TRPC4: variants seen among roughly 807,000 people sequenced by gnomAD.
The protein encoded by TRPC4 is transient receptor potential cation channel subfamily C member 4.
Under a neutral mutation model 99.4 loss-of-function variants are expected in TRPC4, and 49 were observed. The ratio of observed to expected loss-of-function variants is 0.49; its 90% CI spans 0.39 to 0.63. The LOEUF is 0.63. Among genes scored for constraint, TRPC4 ranks in the 20% least tolerant of loss-of-function variants. The pLI, the probability that TRPC4 is intolerant of heterozygous loss-of-function variation, is 0.00. For synonymous variants in TRPC4, 454 were observed against 425.9 expected (o/e 1.07, Z -0.81); for missense variants, 898 against 1,152.9 (o/e 0.78, Z 3.20).
chr13:37,648,177 G>T (rs1453915205), intron 8 of TRPC4, among the ~76,000 whole-genome samples: 1 of 152,132 alleles, frequency 6.6e-6, no homozygotes, highest in African/African-American at 2.4e-5. Flanking sequence ...TCTTGACCTT[G>T]TGATCCACCC....
chr13:37,651,815 G>T (rs757154341), intron 7 of TRPC4, among the ~76,000 whole-genome samples: 1 of 152,202 alleles, frequency 6.6e-6, no homozygotes, highest in African/African-American at 2.4e-5. Flanking sequence ...GCCAGAAATA[G>T]ACTTTCTGTC....
At chr13:37,638,522 T>G (rs1951606178) in intron 10 of TRPC4, among the ~76,000 whole-genome samples, 1 of 152,180 alleles carries the variant, frequency 6.6e-6, no homozygotes, top group African/African-American at 2.4e-5. Flanking sequence ...AAACAATCAC[T>G]CAATAATTTT....
chr13:37,675,870 A>G (rs1953027395), intron 4 of TRPC4, among the ~76,000 whole-genome samples: 1 of 152,164 alleles, frequency 6.6e-6, no homozygotes, highest in Admixed American at 6.5e-5. Flanking sequence ...GGGAACAATC[A>G]GCAATTGACA....
chr13:37,702,104 G>C (rs1043504471), intron 3 of TRPC4, among the ~76,000 whole-genome samples: 1 of 152,162 alleles, frequency 6.6e-6, no homozygotes, highest in African/African-American at 2.4e-5. Flanking sequence ...TGGCCTGACA[G>C]CTGTGTCATT....
At chr13:37,758,880 G>A (rs1956158258) in intron 2 of TRPC4, among the ~76,000 whole-genome samples, 1 of 151,268 alleles carries the variant, frequency 6.6e-6, no homozygotes, top group African/African-American at 2.4e-5. Flanking sequence ...TTCCGTTAGT[G>A]GAAAAGAAGA....
In TRPC4 at chr13:37,797,453, A is replaced by T. The variant is rs1957287708; in HGVS notation, c.-27-14093T>A. Among the ~76,000 whole-genome samples, 3 of 152,050 alleles carry T rather than the reference A, an allele frequency of 2.0e-5. No homozygotes were observed. The South Asian group carries it at 6.2e-4, about 32-fold the overall frequency. On this transcript the variant is annotated intron_variant, in intron 1 of 10. Coordinates refer to ENST00000379705, the MANE Select transcript of TRPC4 (RefSeq NM_016179.4). ...GGGATTGTTCTACATGACGATTCTCACTCCCTTTGCTGTTCTCTGAATAGC... is the reference window on the plus strand; with the variant it reads ...GGGATTGTTCTACATGACGATTCTCTCTCCCTTTGCTGTTCTCTGAATAGC...
rs117603863 is a variant in TRPC4, at chr13:37,700,615, A to G, written c.898-8280T>C. Among the ~76,000 whole-genome samples the G allele has an allele frequency of 1.7e-3, 262 of 152,318 alleles. 1 individual carries two copies. Among genetic ancestry groups the G allele is most frequent in the Non-Finnish European group, 3.0e-3 (207 of 68,030 alleles). ...CCTTCTCTATTCCTTTTAACATAAT[A>G]TCAAGACCTATAGTTTTAGAAAAAA... On this transcript the variant is annotated intron_variant, in intron 3 of 10. Coordinates refer to ENST00000379705, the MANE Select transcript of TRPC4 (RefSeq NM_016179.4).
At chr13:37,739,179 T>A (rs1239179130) in intron 3 of TRPC4, among the ~76,000 whole-genome samples, 1 of 152,118 alleles carries the variant, frequency 6.6e-6, no homozygotes, top group Non-Finnish European at 1.5e-5. Flanking sequence ...AACCTGGGTA[T>A]AATATAAGGG....
chr13:37,661,865 C>T (rs1178931836), intron 6 of TRPC4, among the ~76,000 whole-genome samples: 2 of 152,018 alleles, frequency 1.3e-5, no homozygotes, highest in African/African-American at 4.8e-5. Flanking sequence ...AATTGAGATG[C>T]CATCCTAGGC....
intron 1 of TRPC4, among the ~76,000 whole-genome samples, chr13:37,867,342 T>C (rs1327524712): frequency 6.6e-6 from 1 of 151,964 alleles, no homozygotes; most frequent in African/African-American, 2.4e-5. Flanking sequence ...ATTATTTCAG[T>C]TTTCAGCTGC....
At chr13:37,815,009 C>G (rs1957807341) in intron 1 of TRPC4, among the ~76,000 whole-genome samples, 1 of 151,512 alleles carries the variant, frequency 6.6e-6, no homozygotes, top group Admixed American at 6.6e-5. Flanking sequence ...ATTTGAGGGT[C>G]AGAAAATAAA....
chr13:37,862,100 T>C (rs1329522051), intron 1 of TRPC4, among the ~76,000 whole-genome samples: 1 of 151,440 alleles, frequency 6.6e-6, no homozygotes, highest in Admixed American at 6.6e-5. Context: ...ACACTAACAG[T>C]GGGCCCTGAG....
chr13:37,638,120 C>T (rs1951591173), intron 10 of TRPC4, among the ~76,000 whole-genome samples: 2 of 152,110 alleles, frequency 1.3e-5, no homozygotes, highest in African/African-American at 4.8e-5. Context: ...TCTGGGTCAG[C>T]CTCTACATCC....
intron 1 of TRPC4, among the ~76,000 whole-genome samples, chr13:37,827,733 G>C (rs1429540634): frequency 9.2e-5 from 14 of 152,292 alleles, no homozygotes; most frequent in Non-Finnish European, 8.8e-5. Flanking sequence ...TTGTTTGTCT[G>C]TGCCCTGCCC....
intron 1 of TRPC4, among the ~76,000 whole-genome samples, chr13:37,864,331 A>G (rs1215223862): frequency 1.3e-5 from 2 of 151,728 alleles, no homozygotes; most frequent in East Asian, 3.9e-4. Flanking sequence ...TTAAACTGAA[A>G]CACATTAATA....
At chr13:37,770,083 A>G (rs1415730981) in intron 2 of TRPC4, among the ~76,000 whole-genome samples, 1 of 151,530 alleles carries the variant, frequency 6.6e-6, no homozygotes, top group Non-Finnish European at 1.5e-5. Context: ...TATATAAAAC[A>G]AACCTCAAAA....
intron 2 of TRPC4, 111 bp from the exon 3 acceptor site, chr13:37,746,566 GGTT>G (rs1955791066): frequency 8.7e-4 from 697 of 801,092 alleles, no homozygotes; most frequent in South Asian, 1.7e-3. Context: ...TCCTTGGCCG[GGTT>G]TTTTTTTTTT....
At chr13:37,826,403 G>A (rs1340790348) in intron 1 of TRPC4, among the ~76,000 whole-genome samples, 7 of 132,738 alleles carry the variant, frequency 5.3e-5, no homozygotes, top group Non-Finnish European at 9.5e-5. Context: ...ATTTTGCAGC[G>A]GCTGGTACCG....
intron 2 of TRPC4, among the ~76,000 whole-genome samples, chr13:37,753,575 A>AAGAGAGAGAGAGAGAGAGAGAGAGAGAG (rs61394712): frequency 2.2e-5 from 3 of 137,246 alleles, no homozygotes; most frequent in Non-Finnish European, 3.1e-5. Context: ...GAGAGAGAGA[A>AAGAGAGAGAGAGAGAGAGAGAGAGAGAG]AGAGAGAGAG....
Sources: gnomAD v4.1 joint callset for allele counts (sites outside exome capture counted in the v4.1 genomes callset) on GRCh38, gnomAD v4.1.1 for gene constraint, MANE v1.5 for transcripts, NCBI Gene and HGNC (gene_info 2026-07-23, HGNC 2026-07-21) for gene names.